Variants in B4GALNT2 observed in about 807,000 individuals in gnomAD.
B4GALNT2 encodes the protein beta-1,4-N-acetyl-galactosaminyltransferase 2 (SID blood group).
In B4GALNT2, 42 loss-of-function variants were observed where a neutral mutation model predicts 51.1. That is an observed-to-expected ratio of 0.82 (90% CI 0.64 to 1.06). The LOEUF is 1.06. Ranked by LOEUF, B4GALNT2 falls within the 50% of genes least tolerant of loss-of-function variation. B4GALNT2 has a pLI of 0.00. For missense variants in B4GALNT2, 602 were observed against 633.6 expected (o/e 0.95, Z 0.54); for synonymous variants, 253 against 251.7 (o/e 1.01, Z -0.05).
the B4GALNT2 span, among the ~76,000 whole-genome samples, chr17:49,124,885 A>G: frequency 1.3e-5 from 2 of 152,228 alleles, no homozygotes; most frequent in African/African-American, 4.8e-5. Flanking sequence ...AAACTGGATG[A>G]TACCCCTTCA....
rs972098930 is a variant in B4GALNT2, at chr17:49,133,241, G to C, written c.14+435G>C. 2.0e-6 allele frequency: 3 copies of C among 1,469,256 alleles called. No homozygotes were observed. The African/African-American group carries it at 4.5e-5, about 22-fold the overall frequency. 91.0% of individuals were successfully genotyped at this position (1,469,256 alleles called of 1,614,324 possible). ...AGGGGTATGTGAGTGCCCGGGCGCGGGGACTGCGGGCTGTGGACAGTCGGG... is the reference window on the plus strand; with the variant it reads ...AGGGGTATGTGAGTGCCCGGGCGCGCGGACTGCGGGCTGTGGACAGTCGGG... On this transcript the variant is annotated intron_variant, in intron 1 of 10. Coordinates refer to ENST00000393354, the MANE Select transcript of B4GALNT2 (RefSeq NM_001159387.2).
upstream of B4GALNT2, among the ~76,000 whole-genome samples, chr17:49,129,381 C>G (rs938343234): frequency 2.6e-5 from 4 of 152,078 alleles, no homozygotes; most frequent in Non-Finnish European, 5.9e-5. Context: ...ATGCAAATTG[C>G]TCAAAAAGTA....
In B4GALNT2 at chr17:49,169,669, C is replaced by G. The variant is rs558063592; in HGVS notation, c.1462C>G (p.Arg488Gly). 2 of 1,608,094 alleles carry G rather than the reference C, an allele frequency of 1.2e-6. No individual in the cohort carries two copies. Among genetic ancestry groups the G allele is most frequent in the Admixed American group, 1.7e-5 (1 of 59,774 alleles). The change falls in exon 11 of 11, where the codon CGG becomes GGG. Residue 488 changes from arginine to glycine, a missense_variant. Transcript: ENST00000393354. ...TACATACCGGTCCAACACCCTCACC[C>G]GGGTCCAGTTCAAGCTGGCCCTCCA... is the stretch of plus-strand genomic sequence containing the variant. Reference protein sequence around the residue: ...YNTYRSNTLTRVQFKLALHYF... With the variant: ...YNTYRSNTLTGVQFKLALHYF...
intron 4 of B4GALNT2, 79 bp from the exon 5 acceptor site, chr17:49,156,487 C>A (rs2042811404): frequency 2.0e-6 from 3 of 1,483,168 alleles, no homozygotes; most frequent in Non-Finnish European, 2.8e-6. Context: ...GTGCAGGAGT[C>A]CATGAGGTTG....
intron 3 of B4GALNT2, among the ~76,000 whole-genome samples, chr17:49,150,316 G>A (rs1286017408): frequency 1.7e-5 from 2 of 115,424 alleles, no homozygotes; most frequent in South Asian, 3.1e-4. Context: ...AGCCCCCCCC[G>A]CCTGGCCAGC....
chr17:49,162,408 G>A (rs58376394), intron 7 of B4GALNT2, among the ~76,000 whole-genome samples: 5,280 of 152,128 alleles, frequency 0.035, 319 homozygotes, highest in African/African-American at 0.12. Flanking sequence ...ACATCAAAAG[G>A]TTTTGGACAG....
At position 49,168,865 on chromosome 17, in the gene B4GALNT2, G is replaced by C. The variant is rs759482767; in HGVS notation, c.1280G>C (p.Gly427Ala). The stretch of plus-strand genomic sequence containing the variant: ...CACACGGAGCGACTCCAAAGAGTTG[G>C]CTTTGATCCCCGCCTGCAACGAGTG... ...LAHTERLQRV[G>A]FDPRLQRVAH... is the part of the protein sequence containing the mutation. Residue 427 changes from glycine to alanine, a missense_variant, in exon 10 of 11, where the codon GGC becomes GCC. Coordinates refer to ENST00000393354, the MANE Select transcript of B4GALNT2 (RefSeq NM_001159387.2). The C allele has an allele frequency of 6.2e-7, 1 of 1,613,074 alleles. No homozygotes were observed. The highest frequency in any genetic ancestry group is 8.5e-7 in the Non-Finnish European group (1 of 1,179,978).
chr17:49,157,898 G>T (rs749944166), intron 5 of B4GALNT2, among the ~76,000 whole-genome samples: 1 of 152,188 alleles, frequency 6.6e-6, no homozygotes, highest in Admixed American at 6.5e-5. Flanking sequence ...CCTGTAACTC[G>T]GTTTTTAGAA....
rs768572658 is a variant in B4GALNT2 at position 49,170,615 on chromosome 17, C to A, written c.*887C>A. The A allele has an allele frequency of 6.6e-6, 1 of 152,246 alleles. No individual in the cohort carries two copies. Among genetic ancestry groups the A allele is most frequent in the Non-Finnish European group, 1.5e-5 (1 of 68,070 alleles). 9.4% of individuals were successfully genotyped at this position (152,246 alleles called of 1,614,324 possible). ...TTCCATCACTCTGTTGTTGGATAAG[C>A]CTCTTTCTGTTGCCTGGGGGTTGGC... is the stretch of plus-strand genomic sequence containing the variant. On this transcript the variant is annotated 3_prime_UTR_variant, in exon 11 of 11. Coordinates refer to ENST00000393354, the MANE Select transcript of B4GALNT2 (RefSeq NM_001159387.2).
chr17:49,135,190 GAT>G (rs2042578806), intron 1 of B4GALNT2, among the ~76,000 whole-genome samples: 1 of 152,312 alleles, frequency 6.6e-6, no homozygotes, highest in South Asian at 2.1e-4. Context: ...ATGTGACAAA[GAT>G]AGTGCAAACT....
chr17:49,166,537 C>T (rs2042913162), intron 9 of B4GALNT2, among the ~76,000 whole-genome samples: 1 of 152,132 alleles, frequency 6.6e-6, no homozygotes, highest in South Asian at 2.1e-4. Flanking sequence ...ATTTCTAACT[C>T]CCTCCGTTGA....
Position 49,141,526 on chromosome 17 carries a change from G to A in B4GALNT2, c.215+79G>A, listed in dbSNP as rs1029655918. 6 of 1,458,308 alleles carry A rather than the reference G, an allele frequency of 4.1e-6. No homozygotes were observed. In the African/African-American group the frequency reaches 8.4e-5, roughly 20 times the overall value. The allele number at this position is 1,458,308 out of a possible 1,614,324, so 90.3% of individuals were successfully genotyped here. ...CTCCTCAAGTACCATGCCCTACTGT[G>A]CCCATTGTACAGATGGTTCCCTTGC... On this transcript the variant is annotated intron_variant, in intron 2 of 10. Transcript: ENST00000393354.
chr17:49,144,937 C>G (rs1040813956), intron 3 of B4GALNT2, among the ~76,000 whole-genome samples: 3 of 152,228 alleles, frequency 2.0e-5, no homozygotes, highest in African/African-American at 7.2e-5. Context: ...GCACCCAGCA[C>G]TGGAGAAAGA....
upstream of B4GALNT2, among the ~76,000 whole-genome samples, chr17:49,129,388 A>T (rs2042526287): frequency 6.6e-6 from 1 of 152,208 alleles, no homozygotes; most frequent in African/African-American, 2.4e-5. Flanking sequence ...TTGCTCAAAA[A>T]GTAAAGTGAG....
chr17:49,138,936 GCT>G (rs1567855018), intron 1 of B4GALNT2, among the ~76,000 whole-genome samples: 1 of 152,122 alleles, frequency 6.6e-6, no homozygotes, highest in Non-Finnish European at 1.5e-5. Flanking sequence ...CTCTTGTTAT[GCT>G]GTTGTGAGGA....
intron 7 of B4GALNT2, among the ~76,000 whole-genome samples, chr17:49,162,050 C>G (rs1029051381): frequency 1.3e-5 from 2 of 151,708 alleles, no homozygotes; most frequent in African/African-American, 4.8e-5. Flanking sequence ...TGCAGTGGCA[C>G]GATCTCCGCT....
chr17:49,159,349 T>G, intron 6 of B4GALNT2, 132 bp downstream of exon 6: 1 of 1,096,330 alleles, frequency 9.1e-7, no homozygotes, highest in Non-Finnish European at 1.3e-6. Context: ...TTTTGTTTTG[T>G]TTTGTTTTTT....
At chr17:49,158,636 CAAAA>C (rs770885158) in intron 5 of B4GALNT2, among the ~76,000 whole-genome samples, 1 of 74,200 alleles carries the variant, frequency 1.3e-5, no homozygotes, top group Admixed American at 1.6e-4. Flanking sequence ...GACTCCATCT[CAAAA>C]AAAAAAAAAA....
chr17:49,157,776 G>A (rs900735912), intron 5 of B4GALNT2, among the ~76,000 whole-genome samples: 4 of 152,064 alleles, frequency 2.6e-5, no homozygotes, highest in Admixed American at 6.6e-5. Flanking sequence ...TGTCTTCTTC[G>A]TAGTCCTGCT....
Sources: gnomAD v4.1 joint callset for allele counts (sites outside exome capture counted in the v4.1 genomes callset) on GRCh38, gnomAD v4.1.1 for gene constraint, MANE v1.5 for transcripts, NCBI Gene and HGNC (gene_info 2026-07-23, HGNC 2026-07-21) for gene names.